RNLS: variants seen among roughly 807,000 people sequenced by gnomAD.
RNLS encodes the protein renalase, FAD dependent amine oxidase.
In RNLS, 39 loss-of-function variants were observed where a neutral mutation model predicts 39.8. The ratio of observed to expected loss-of-function variants is 0.98; its 90% CI spans 0.76 to 1.28. The LOEUF is 1.28. RNLS is among the 50% of genes most tolerant of loss of function. The probability of loss-of-function intolerance (pLI) is 0.00; values close to 1 mark genes in which losing one functional copy is unlikely to be tolerated. For synonymous variants in RNLS, 147 were observed against 150.7 expected, an observed-to-expected ratio of 0.98 and a Z score of 0.18; for missense variants, 410 against 413.3, an observed-to-expected ratio of 0.99 and a Z score of 0.07.
chr10:88,196,325 A>G, the RNLS span, among the ~76,000 whole-genome samples: 1 of 152,228 alleles, frequency 6.6e-6, no homozygotes, highest in African/African-American at 2.4e-5. Flanking sequence ...ATCGTTTGAA[A>G]GTCAGTGGGA....
At chr10:88,177,989 G>C in the RNLS span, among the ~76,000 whole-genome samples, 5 of 152,204 alleles carry the variant, frequency 3.3e-5, no homozygotes, top group African/African-American at 4.8e-5. Context: ...AGGGTCATTG[G>C]TGGGGAGCAG....
At chr10:88,497,468 T>C (rs2576171) in intron 4 of RNLS, among the ~76,000 whole-genome samples, 42,657 of 151,782 alleles carry the variant, frequency 0.28, 7,275 homozygotes, top group East Asian at 0.45. Flanking sequence ...TGAAGGTGAT[T>C]TGCAAAAGCT....
At chr10:88,292,674 G>T in intron 6 of RNLS, among the ~76,000 whole-genome samples, 1 of 151,468 alleles carries the variant, frequency 6.6e-6, no homozygotes, top group Non-Finnish European at 1.5e-5. Flanking sequence ...TAAGCTTTTG[G>T]TATGCATGAG....
At chr10:88,246,764 G>A in the RNLS span, among the ~76,000 whole-genome samples, 7 of 152,038 alleles carry the variant, frequency 4.6e-5, no homozygotes, top group South Asian at 2.1e-4. Flanking sequence ...AGAAATCAAC[G>A]CATTGGATAA....
chr10:88,240,412 TTA>T, the RNLS span, among the ~76,000 whole-genome samples: 1 of 134,702 alleles, frequency 7.4e-6, no homozygotes, highest in African/African-American at 2.6e-5. Flanking sequence ...AGTCCTTTTT[TTA>T]AAAAAAAAAA....
chr10:88,308,667 T>C (rs867904221), intron 6 of RNLS, among the ~76,000 whole-genome samples: 8 of 152,200 alleles, frequency 5.3e-5, no homozygotes, highest in African/African-American at 1.9e-4. Flanking sequence ...TACACATTGT[T>C]GGTGGGATTG....
At chr10:88,511,926 C>A (rs1222757870) in intron 4 of RNLS, among the ~76,000 whole-genome samples, 1 of 152,110 alleles carries the variant, frequency 6.6e-6, no homozygotes, top group African/African-American at 2.4e-5. Context: ...TGCATAATAT[C>A]CCATAATATA....
At chr10:88,370,894 T>C (rs1306727289) in intron 4 of RNLS, among the ~76,000 whole-genome samples, 3 of 152,190 alleles carry the variant, frequency 2.0e-5, no homozygotes, top group Non-Finnish European at 4.4e-5. Flanking sequence ...ACTTGGACTC[T>C]ATAGGTATAG....
At chr10:88,529,598 G>A (rs943942788) in intron 4 of RNLS, among the ~76,000 whole-genome samples, 11 of 152,130 alleles carry the variant, frequency 7.2e-5, no homozygotes, top group Non-Finnish European at 1.2e-4. Context: ...TAAGCAGTAT[G>A]CAAAAAGGAT....
intron 4 of RNLS, among the ~76,000 whole-genome samples, chr10:88,485,642 CAAA>C (rs11366047): frequency 4.5e-4 from 47 of 104,836 alleles, no homozygotes; most frequent in African/African-American, 1.3e-3. Flanking sequence ...AATGAAAAAC[CAAA>C]AAAAAAAAAA....
chr10:88,200,164 A>G, the RNLS span, among the ~76,000 whole-genome samples: 8 of 152,262 alleles, frequency 5.3e-5, no homozygotes, highest in East Asian at 3.9e-4. Context: ...CTTCCCAACT[A>G]CCCACAGAGG....
intron 6 of RNLS, among the ~76,000 whole-genome samples, chr10:88,298,338 G>T (rs1019808299): frequency 6.6e-6 from 1 of 152,014 alleles, no homozygotes; most frequent in Non-Finnish European, 1.5e-5. Flanking sequence ...GAATTTTGAT[G>T]CAGTCCAGTC....
intron 5 of RNLS, among the ~76,000 whole-genome samples, chr10:88,349,757 GTA>G (rs1032674197): frequency 1.3e-5 from 2 of 150,914 alleles, no homozygotes; most frequent in Non-Finnish European, 3.0e-5. Context: ...TATACATTGT[GTA>G]TATATATATA....
Position 88,443,706 on chromosome 10 carries a change from G to A in RNLS, c.527-80981C>T, listed in dbSNP as rs113102783. On this transcript the variant is annotated intron_variant, in intron 4 of 6. Coordinates refer to ENST00000331772, the MANE Select transcript of RNLS (RefSeq NM_001031709.3). ...TTGGAGGGTCCCATGCCCACAGAGC[G>A]TTGCTCATCTCTTGTAGCTAGCACA... 9.4e-3 allele frequency among the ~76,000 whole-genome samples: 1,435 copies of A among 152,216 alleles called. 25 individuals carry two copies. The highest frequency in any genetic ancestry group is 0.029 in the African/African-American group (1,210 of 41,570).
the RNLS span, among the ~76,000 whole-genome samples, chr10:88,183,628 A>G: frequency 1.3e-5 from 2 of 152,012 alleles, no homozygotes; most frequent in African/African-American, 4.8e-5. Context: ...CTCCTATCAT[A>G]TTTTTCATTA....
intron 4 of RNLS, among the ~76,000 whole-genome samples, chr10:88,427,175 G>A (rs569019932): frequency 1.3e-5 from 2 of 152,074 alleles, no homozygotes; most frequent in South Asian, 2.1e-4. Context: ...GGACTAGTGC[G>A]TCTAATCTTT....
chr10:88,492,364 G>A (rs753226963), intron 4 of RNLS, among the ~76,000 whole-genome samples: 18 of 151,678 alleles, frequency 1.2e-4, no homozygotes, highest in Non-Finnish European at 2.2e-4. Context: ...AGCTGCTAAC[G>A]TATTTATAGA....
intron 3 of RNLS, 121 bp downstream of exon 3, chr10:88,581,446 G>C (rs1850548813): frequency 1.3e-6 from 1 of 779,694 alleles, no homozygotes; most frequent in Non-Finnish European, 1.9e-6. Context: ...ACTAGCTATT[G>C]ATCAGCAAAT....
chr10:88,487,924 T>A (rs2134050258), intron 4 of RNLS, among the ~76,000 whole-genome samples: 1 of 152,276 alleles, frequency 6.6e-6, no homozygotes, highest in Middle Eastern at 3.4e-3. Context: ...CATACAATAA[T>A]GCAGATGATT....
Sources: allele counts gnomAD v4.1 joint callset (sites outside exome capture counted in the v4.1 genomes callset), GRCh38; gene constraint gnomAD v4.1.1; transcripts MANE v1.5; gene names NCBI Gene and HGNC (gene_info 2026-07-23, HGNC 2026-07-21).